Variants in GBF1 observed in about 807,000 individuals in gnomAD.
GBF1 encodes the protein Golgi-specific brefeldin A-resistance guanine nucleotide exchange factor 1.
In GBF1, 114 loss-of-function variants were observed where a neutral mutation model predicts 210.5. The observed-to-expected ratio is 0.54, with a 90% CI of 0.47 to 0.63. GBF1 has a LOEUF of 0.63. Among genes scored for constraint, GBF1 ranks in the 30% least tolerant of loss-of-function variants. The pLI is 0.00. For missense variants in GBF1, 1,851 were observed against 2,357.7 expected, an observed-to-expected ratio of 0.79 and a Z score of 4.45; for synonymous variants, 850 against 889.2, an observed-to-expected ratio of 0.96 and a Z score of 0.78.
Position 102,382,176 on chromosome 10 carries a change from C to A in GBF1, c.5423C>A (p.Pro1808Gln). The A allele has an allele frequency of 1.2e-6, 2 of 1,613,994 alleles. No individual in the cohort carries two copies. Among genetic ancestry groups the A allele is most frequent in the Non-Finnish European group, 1.7e-6 (2 of 1,179,906 alleles). ...PDGPPPLAQPPLILQPLASPL... is the reference protein window; with the variant it reads ...PDGPPPLAQPQLILQPLASPL... ...GGGCCTCCACCCTTGGCTCAGCCCC[C>A]ACTGATCCTGCAGCCCTTGGCCTCC... Residue 1808 changes from proline to glutamine, a missense_variant, in exon 40 of 40, where the codon CCA becomes CAA. Physicochemically the swap from Pro to Gln is moderately conservative, Grantham distance 76. This residue lies in a region of GBF1 where 967 missense variants were observed against 1,247.7 expected (regional missense o/e 0.78). Transcript: ENST00000369983.
At chr10:102,281,797 T>C (rs1005990185) in intron 3 of GBF1, among the ~76,000 whole-genome samples, 1 of 151,946 alleles carries the variant, frequency 6.6e-6, no homozygotes, top group African/African-American at 2.4e-5. Flanking sequence ...ATTAGGTTTT[T>C]ACTTAATGGC....
chr10:102,284,452 A>G (rs2075774619), intron 3 of GBF1, among the ~76,000 whole-genome samples: 1 of 152,108 alleles, frequency 6.6e-6, no homozygotes, highest in Non-Finnish European at 1.5e-5. Flanking sequence ...GTAGCCATCC[A>G]TCTGCATTCT....
intron 3 of GBF1, among the ~76,000 whole-genome samples, chr10:102,262,166 G>T (rs1450974722): frequency 6.6e-6 from 1 of 152,112 alleles, no homozygotes; most frequent in Non-Finnish European, 1.5e-5. Flanking sequence ...CTTTAAAGGA[G>T]CAAATTTCAC....
chr10:102,327,074 C>A (rs1397000124), intron 3 of GBF1, among the ~76,000 whole-genome samples: 3 of 152,184 alleles, frequency 2.0e-5, no homozygotes, highest in Non-Finnish European at 4.4e-5. Context: ...TTGTAAAAGT[C>A]TCTAATCGGC....
rs771314013 is a variant in GBF1 at position 102,376,700 on chromosome 10, G to A, written c.4188G>A (p.Ser1396=). 2.9e-5 allele frequency: 46 copies of A among 1,613,444 alleles called. No individual in the cohort carries two copies. Among genetic ancestry groups the A allele is most frequent in the Admixed American group, 5.0e-5 (3 of 59,974 alleles). ...AGTCTCTGCTTAAGTGTGTGGAATC[G>A]CTGTCCTTCATTGTGCGTGATGCTG... ...DTKSLLKCVE[S]LSFIVRDAAH... The change falls in exon 32 of 40, where the codon TCG becomes TCA. Residue 1396 remains serine, a synonymous_variant. Transcript: ENST00000369983.
intron 8 of GBF1, among the ~76,000 whole-genome samples, chr10:102,354,514 T>C (rs1589752833): frequency 1.3e-5 from 2 of 152,302 alleles, no homozygotes; most frequent in Middle Eastern, 6.8e-3. Context: ...TCTTTCAATG[T>C]TTATTTTTTA....
At chr10:102,327,969 C>T (rs536169248) in intron 3 of GBF1, among the ~76,000 whole-genome samples, 4 of 152,148 alleles carry the variant, frequency 2.6e-5, no homozygotes, top group Middle Eastern at 3.2e-3. Flanking sequence ...CAGCACCTTT[C>T]GAGCAAATAA....
intron 12 of GBF1, among the ~76,000 whole-genome samples, chr10:102,360,716 G>A (rs547185352): frequency 1.1e-4 from 17 of 152,294 alleles, no homozygotes; most frequent in Non-Finnish European, 2.4e-4. Context: ...AGTGGCTCAC[G>A]CCTGTAATCC....
At chr10:102,300,596 G>A (rs2133820190) in intron 3 of GBF1, among the ~76,000 whole-genome samples, 1 of 152,286 alleles carries the variant, frequency 6.6e-6, no homozygotes, top group East Asian at 1.9e-4. Context: ...GGCACTTACT[G>A]GTCTGTATAT....
Position 102,361,075 on chromosome 10 carries a change from C to T in GBF1, c.1446C>T (p.Phe482=), listed in dbSNP as rs780204253. ...ATGCTGCTTCCCTGCGAGTATGCTT[C>T]CTACTGTTTGAGAGCATGCGAGAGC... is the stretch of plus-strand genomic sequence containing the variant. ...NLYAASLRVC[F]LLFESMREHL... is the part of the protein sequence containing the mutation. Residue 482 remains phenylalanine, a synonymous_variant, in exon 13 of 40, where the codon TTC becomes TTT. Coordinates refer to ENST00000369983, the MANE Select transcript of GBF1 (RefSeq NM_001377137.1). The T allele has an allele frequency of 1.7e-5, 27 of 1,608,648 alleles. No homozygotes were observed. Among genetic ancestry groups the T allele is most frequent in the Non-Finnish European group, 2.2e-5 (26 of 1,175,206 alleles).
At chr10:102,305,703 G>T (rs1363197070) in intron 3 of GBF1, among the ~76,000 whole-genome samples, 1 of 152,008 alleles carries the variant, frequency 6.6e-6, no homozygotes, top group East Asian at 1.9e-4. Flanking sequence ...GTGCCATGAC[G>T]CAAGACTCTG....
In GBF1 at chr10:102,375,344, C is replaced by G; in HGVS notation, c.3661-15C>G. ...GCTCCCCGCTTCCCCGCTCCCTGCC[C>G]TAACCCCACTCCAGGTGCTGCTCTC... On this transcript the variant is annotated splice_polypyrimidine_tract_variant and intron_variant, in intron 29 of 39. Coordinates refer to ENST00000369983, the MANE Select transcript of GBF1 (RefSeq NM_001377137.1). 1 of 1,532,938 alleles carries G rather than the reference C, an allele frequency of 6.5e-7. No homozygotes were observed. Among genetic ancestry groups the G allele is most frequent in the Non-Finnish European group, 9.0e-7 (1 of 1,106,194 alleles). The allele number at this position is 1,532,938 out of a possible 1,614,324, so 95.0% of individuals were successfully genotyped here.
intron 36 of GBF1, 82 bp from the exon 37 acceptor site, chr10:102,380,167 G>A: frequency 2.2e-6 from 2 of 895,304 alleles, no homozygotes; most frequent in South Asian, 2.6e-5. Flanking sequence ...TGCAAGATAG[G>A]ACAGGCTTAG....
At position 102,363,914 on chromosome 10, in the gene GBF1, G is replaced by A. The variant is rs1372623848; in HGVS notation, c.2106+116G>A. Reference sequence around the variant, plus strand: ...GCACCTCATTGTACAGCTTCCTGAGGCCAGTCTTTGGGCTTGTTGGGACTT... The same window carrying A: ...GCACCTCATTGTACAGCTTCCTGAGACCAGTCTTTGGGCTTGTTGGGACTT... On this transcript the variant is annotated intron_variant, in intron 17 of 39. Transcript: ENST00000369983. This position sits in a 1 kb window ranked among gnomAD's most constrained non-coding sequence, Gnocchi z 4.2. 3 of 655,672 alleles carry A rather than the reference G, an allele frequency of 4.6e-6. No individual in the cohort carries two copies. Among genetic ancestry groups the A allele is most frequent in the Non-Finnish European group, 8.0e-6 (3 of 373,926 alleles). 40.6% of individuals were successfully genotyped at this position (655,672 alleles called of 1,614,324 possible).
Position 102,382,679 on chromosome 10 carries a change from C to T in GBF1, c.*343C>T, listed in dbSNP as rs566336822. Reference sequence around the variant, plus strand: ...GTCAGGCATTGAAAACTAAGCCCAACCACTCTGCACTTTGTTTCCCACTCC... The same window carrying T: ...GTCAGGCATTGAAAACTAAGCCCAATCACTCTGCACTTTGTTTCCCACTCC... On this transcript the variant is annotated 3_prime_UTR_variant, in exon 40 of 40. Transcript: ENST00000369983. 114 of 252,138 alleles carry T rather than the reference C, an allele frequency of 4.5e-4. No individual in the cohort carries two copies. Among genetic ancestry groups the T allele is most frequent in the Non-Finnish European group, 7.8e-4 (103 of 132,106 alleles). The allele number at this position is 252,138 out of a possible 1,614,324, so 15.6% of individuals were successfully genotyped here.
the GBF1 span, among the ~76,000 whole-genome samples, chr10:102,236,858 G>T: frequency 1.3e-5 from 2 of 152,178 alleles, no homozygotes; most frequent in African/African-American, 4.8e-5. Flanking sequence ...AGCTGGAGTT[G>T]TGATGTTTTC....
chr10:102,308,101 CA>C (rs1350154253), intron 3 of GBF1, among the ~76,000 whole-genome samples: 1 of 150,642 alleles, frequency 6.6e-6, no homozygotes, highest in African/African-American at 2.4e-5. Context: ...GCTGATTTGC[CA>C]GCAATTACAT....
rs2074002291 is a variant in GBF1 at position 102,267,670 on chromosome 10, G to A, written c.163+7554G>A. ...TCAGCATGAGAAGAAGGTTGAATGG[G>A]TCATCAGCTTTTGTTCCACTTGGAA... On this transcript the variant is annotated intron_variant, in intron 3 of 39. Coordinates refer to ENST00000369983, the MANE Select transcript of GBF1 (RefSeq NM_001377137.1). Among the ~76,000 whole-genome samples, 3 of 152,290 alleles carry A rather than the reference G, an allele frequency of 2.0e-5. 1 individual carries two copies. In the South Asian group the frequency reaches 6.2e-4, roughly 32 times the overall value.
chr10:102,248,258 G>T (rs1002691217), intron 1 of GBF1, among the ~76,000 whole-genome samples: 50 of 152,158 alleles, frequency 3.3e-4, no homozygotes, highest in African/African-American at 1.1e-3. Context: ...AATATAATGA[G>T]CTGCTGTTTA....
Sources: gnomAD v4.1 joint callset for allele counts (sites outside exome capture counted in the v4.1 genomes callset) on GRCh38, gnomAD v4.1.1 for gene constraint, gnomAD v4.1.1 regional missense constraint, Gnocchi (gnomAD v3.1) non-coding constraint, MANE v1.5 for transcripts, NCBI Gene and HGNC (gene_info 2026-07-23, HGNC 2026-07-21) for gene names.